REV1: variants seen among roughly 807,000 people sequenced by gnomAD.
REV1 encodes translesion synthesis protein REV1.
Under a neutral mutation model 137.4 loss-of-function variants are expected in REV1, and 42 were observed. That is an observed-to-expected ratio of 0.31 (90% CI 0.24 to 0.40). The LOEUF is 0.40. REV1 is among the 10% of genes least tolerant of loss of function. The pLI is 1.00. For synonymous variants in REV1, 524 were observed against 519.2 expected (o/e 1.01, Z -0.12); for missense variants, 1,282 against 1,490.1 (o/e 0.86, Z 2.30).
chr2:99,412,257 CAAAAAAAAAAA>C (rs1160440580), intron 13 of REV1, among the ~76,000 whole-genome samples: 7 of 53,028 alleles, frequency 1.3e-4, no homozygotes, highest in African/African-American at 4.9e-4. Flanking sequence ...GACTCCATCT[CAAAAAAAAAAA>C]AAAAAAAAAA....
chr2:99,441,556 T>C (rs765101301), intron 5 of REV1, among the ~76,000 whole-genome samples: 3 of 152,146 alleles, frequency 2.0e-5, no homozygotes, highest in Non-Finnish European at 4.4e-5. Context: ...TTTATATATT[T>C]ACATATTTAG....
At chr2:99,472,388 C>T (rs974923758) in intron 1 of REV1, among the ~76,000 whole-genome samples, 3 of 151,970 alleles carry the variant, frequency 2.0e-5, no homozygotes, top group Non-Finnish European at 2.9e-5. Context: ...ATGGTGGTTG[C>T]GGGTGGAGTT....
intron 3 of REV1, among the ~76,000 whole-genome samples, chr2:99,461,554 C>G (rs1460485721): frequency 2.0e-5 from 3 of 152,148 alleles, no homozygotes; most frequent in African/African-American, 7.2e-5. Flanking sequence ...GAGAAGGGGA[C>G]AGGGGAATAT....
In REV1 at chr2:99,478,804, G is replaced by A. The variant is rs527265203; in HGVS notation, c.-11+11013C>T. Among the ~76,000 whole-genome samples, 3 of 152,266 alleles carry A rather than the reference G, an allele frequency of 2.0e-5. No individual in the cohort carries two copies. In the South Asian group the frequency reaches 6.2e-4, roughly 32 times the overall value. On this transcript the variant is annotated intron_variant, in intron 1 of 22. Coordinates refer to ENST00000258428, the MANE Select transcript of REV1 (RefSeq NM_016316.4). ...AACGTTTCTGATTCAGTGAGTCTAG[G>A]GCAGGGCTGGAAATTTGCATTTCCA...
intron 1 of REV1, among the ~76,000 whole-genome samples, chr2:99,478,868 G>A (rs1686267279): frequency 6.6e-6 from 1 of 152,136 alleles, no homozygotes; most frequent in Non-Finnish European, 1.5e-5. Context: ...CACTGGTTTT[G>A]CCTGTACCTA....
At chr2:99,456,752 T>G (rs1362243043) in intron 3 of REV1, among the ~76,000 whole-genome samples, 1 of 152,194 alleles carries the variant, frequency 6.6e-6, no homozygotes. Context: ...ATGGACTGGC[T>G]TAGACAGGGA....
chr2:99,424,326 C>T, intron 9 of REV1, 46 bp from the exon 10 acceptor site: 1 of 1,583,480 alleles, frequency 6.3e-7, no homozygotes. Context: ...AGGAAGTTTT[C>T]AACTCAAATA....
At chr2:99,401,408 A>G in intron 22 of REV1, 56 bp from the exon 23 acceptor site, 2 of 1,166,596 alleles carry the variant, frequency 1.7e-6, no homozygotes, top group Non-Finnish European at 2.5e-6. Context: ...CCTTAAGACT[A>G]ATTATTCCTT....
intron 9 of REV1, among the ~76,000 whole-genome samples, chr2:99,427,087 CAGG>C (rs1189912134): frequency 1.3e-5 from 2 of 152,080 alleles, no homozygotes; most frequent in East Asian, 3.9e-4. Context: ...GAGGCTGAGG[CAGG>C]AGAACGGCTT....
chr2:99,479,852 G>A (rs1020240439), intron 1 of REV1, among the ~76,000 whole-genome samples: 1 of 151,926 alleles, frequency 6.6e-6, no homozygotes, highest in Non-Finnish European at 1.5e-5. Flanking sequence ...AATGCACAGA[G>A]AAAACAGCCA....
At chr2:99,415,960 C>T (rs185784028) in intron 12 of REV1, among the ~76,000 whole-genome samples, 6 of 152,356 alleles carry the variant, frequency 3.9e-5, no homozygotes, top group East Asian at 1.9e-4. Flanking sequence ...TATTAAGAAA[C>T]GTATTTATTA....
intron 1 of REV1, among the ~76,000 whole-genome samples, chr2:99,474,942 C>A (rs1685809313): frequency 6.6e-6 from 1 of 151,952 alleles, no homozygotes; most frequent in Admixed American, 6.6e-5. Context: ...TCAAAGACAG[C>A]ATCAACTTTG....
In REV1 at chr2:99,406,510, G is replaced by C; in HGVS notation, c.2449-20C>G. The C allele has an allele frequency of 6.4e-7, 1 of 1,551,260 alleles. No homozygotes were observed. The highest frequency in any genetic ancestry group is 8.7e-7 in the Non-Finnish European group (1 of 1,145,848). ...CCCAACCTAGAACCCAGAATAAAGA[G>C]TATGCTTCTAGGAAAACTAAAGTGA... On this transcript the variant is annotated intron_variant, in intron 15 of 22. Transcript: ENST00000258428.
chr2:99,477,821 C>G (rs1686154423), intron 1 of REV1, among the ~76,000 whole-genome samples: 1 of 152,176 alleles, frequency 6.6e-6, no homozygotes, highest in South Asian at 2.1e-4. Context: ...CTTGATTTAA[C>G]AAAATCAATA....
intron 2 of REV1, chr2:99,462,917 G>A: frequency 1.4e-5 from 3 of 212,306 alleles, no homozygotes; most frequent in South Asian, 1.0e-4. Flanking sequence ...GTGAAACCCC[G>A]TCTCTACTAA....
chr2:99,401,445 A>G, intron 22 of REV1, 93 bp from the exon 23 acceptor site: 1 of 484,372 alleles, frequency 2.1e-6, no homozygotes, highest in Non-Finnish European at 3.2e-6. Flanking sequence ...GACTTTGGCA[A>G]AAAAAAAAAA....
intron 3 of REV1, among the ~76,000 whole-genome samples, chr2:99,459,362 T>C (rs1012819719): frequency 3.3e-5 from 5 of 152,174 alleles, no homozygotes; most frequent in African/African-American, 1.2e-4. Flanking sequence ...CTATGTGCTA[T>C]GTCTTACAAC....
rs372140858 is a variant in REV1, at chr2:99,488,968, G to A, written c.-11+849C>T. 5.6e-4 allele frequency among the ~76,000 whole-genome samples: 86 copies of A among 152,328 alleles called. 1 individual carries two copies. In the South Asian group the frequency reaches 0.017, roughly 31 times the overall value. Reference sequence around the variant, plus strand: ...AGTACATGGCGTGAGAAGACGTGGAGATAAAGAGAATTAGCAGACGTATAT... The same window carrying A: ...AGTACATGGCGTGAGAAGACGTGGAAATAAAGAGAATTAGCAGACGTATAT... On this transcript the variant is annotated intron_variant, in intron 1 of 22. Coordinates refer to ENST00000258428, the MANE Select transcript of REV1 (RefSeq NM_016316.4).
chr2:99,453,625 C>T (rs1261153295), intron 3 of REV1, among the ~76,000 whole-genome samples: 3 of 151,742 alleles, frequency 2.0e-5, no homozygotes, highest in Admixed American at 2.0e-4. Context: ...CCAGGTATGG[C>T]GGCTCACACC....
Sources: gnomAD v4.1 joint callset for allele counts (sites outside exome capture counted in the v4.1 genomes callset) on GRCh38, gnomAD v4.1.1 for gene constraint, MANE v1.5 for transcripts, NCBI Gene and HGNC (gene_info 2026-07-23, HGNC 2026-07-21) for gene names.